The following SH3PXD2A variants were observed in gnomAD, a reference collection of about 807,000 sequenced individuals.
The protein encoded by SH3PXD2A is SH3 and PX domain-containing protein 2A.
In SH3PXD2A, 32 loss-of-function variants were observed where a neutral mutation model predicts 115.2. That is an observed-to-expected ratio of 0.28 (90% CI 0.21 to 0.37). The LOEUF (loss-of-function observed/expected upper bound fraction) is 0.37. SH3PXD2A is among the 10% of genes least tolerant of loss of function. SH3PXD2A has a pLI of 1.00. For synonymous variants in SH3PXD2A, 610 were observed against 629.1 expected, an observed-to-expected ratio of 0.97 and a Z score of 0.45; for missense variants, 1,328 against 1,498.7, an observed-to-expected ratio of 0.89 and a Z score of 1.88.
chr10:103,759,176 A>G (rs894277176), intron 3 of SH3PXD2A, among the ~76,000 whole-genome samples: 1 of 152,172 alleles, frequency 6.6e-6, no homozygotes, highest in African/African-American at 2.4e-5. Context: ...GGCCCCGGAG[A>G]ACATGCTTGC....
chr10:103,815,956 TA>T (rs2039320158), intron 1 of SH3PXD2A, among the ~76,000 whole-genome samples: 1 of 150,622 alleles, frequency 6.6e-6, no homozygotes, highest in East Asian at 1.9e-4. Context: ...TAGAGCCAAA[TA>T]TATAGAAGCA....
intron 3 of SH3PXD2A, among the ~76,000 whole-genome samples, chr10:103,751,437 ACCATTATTCTTC>A (rs1242084347): frequency 5.9e-5 from 9 of 152,214 alleles, no homozygotes; most frequent in African/African-American, 2.2e-4. Flanking sequence ...CAATATAGAT[ACCATTATTCTTC>A]CCATTTAACA....
At chr10:103,803,282 C>T (rs1214186317) in intron 1 of SH3PXD2A, among the ~76,000 whole-genome samples, 3 of 152,024 alleles carry the variant, frequency 2.0e-5, no homozygotes, top group Non-Finnish European at 2.9e-5. Context: ...AAAGGCCACC[C>T]CTATCTTCAT....
intron 5 of SH3PXD2A, among the ~76,000 whole-genome samples, chr10:103,714,829 A>G (rs1400522020): frequency 6.6e-6 from 1 of 152,216 alleles, no homozygotes; most frequent in Middle Eastern, 3.2e-3. Flanking sequence ...AGGGCTTTAC[A>G]GAGCACACAG....
intron 1 of SH3PXD2A, among the ~76,000 whole-genome samples, chr10:103,822,390 C>G (rs2039389916): frequency 6.6e-6 from 1 of 152,260 alleles, no homozygotes; most frequent in Admixed American, 6.5e-5. Flanking sequence ...TCCAAGTTCC[C>G]TGCAGAAATT....
intron 2 of SH3PXD2A, among the ~76,000 whole-genome samples, chr10:103,769,827 ATTTT>A (rs201225847): frequency 6.6e-6 from 1 of 151,728 alleles, no homozygotes; most frequent in Non-Finnish European, 1.5e-5. Flanking sequence ...TCTAAACAGG[ATTTT>A]TTTTTCTTTC....
At chr10:103,739,515 G>A (rs1430227866) in intron 3 of SH3PXD2A, among the ~76,000 whole-genome samples, 2 of 152,120 alleles carry the variant, frequency 1.3e-5, no homozygotes, top group African/African-American at 4.8e-5. Context: ...TCTCTGTTAG[G>A]AATCCAAACC....
chr10:103,804,176 T>A (rs919278928), intron 1 of SH3PXD2A, among the ~76,000 whole-genome samples: 15 of 152,120 alleles, frequency 9.9e-5, no homozygotes, highest in Admixed American at 9.2e-4. Context: ...AGGAGTATAA[T>A]GAATCATGTC....
chr10:103,750,975 C>T (rs1249576726), intron 3 of SH3PXD2A, among the ~76,000 whole-genome samples: 2 of 152,138 alleles, frequency 1.3e-5, no homozygotes, highest in South Asian at 2.1e-4. Context: ...CTGGCACTGC[C>T]GCAGAACACC....
At chr10:103,854,693 A>T (rs1842924130) in intron 1 of SH3PXD2A, among the ~76,000 whole-genome samples, 1 of 152,184 alleles carries the variant, frequency 6.6e-6, no homozygotes, top group South Asian at 2.1e-4. Flanking sequence ...AGGTTGGGCA[A>T]GGGGGCGGCG....
At chr10:103,643,834 A>G (rs534336811) in intron 8 of SH3PXD2A, among the ~76,000 whole-genome samples, 2 of 152,326 alleles carry the variant, frequency 1.3e-5, no homozygotes, top group African/African-American at 4.8e-5. Flanking sequence ...AGACCAGGCC[A>G]GGCGCGGTGG....
chr10:103,617,094 C>G (rs2036530083), intron 11 of SH3PXD2A, 103 bp downstream of exon 11: 2 of 769,822 alleles, frequency 2.6e-6, no homozygotes, highest in Non-Finnish European at 4.7e-6. Context: ...GGGCACAAAG[C>G]TGTCAGTATC....
chr10:103,732,785 G>T (rs1202077155), intron 4 of SH3PXD2A, among the ~76,000 whole-genome samples: 2 of 152,232 alleles, frequency 1.3e-5, no homozygotes, highest in African/African-American at 4.8e-5. Flanking sequence ...TGTAAGTAGA[G>T]ACTCCAGAGG....
rs2037957824 is a variant in SH3PXD2A, at chr10:103,704,439, G to A, written c.399-11383C>T. Among the ~76,000 whole-genome samples, 3 of 152,184 alleles carry A rather than the reference G, an allele frequency of 2.0e-5. No individual in the cohort carries two copies. The South Asian group carries it at 6.2e-4, about 31-fold the overall frequency. ...GTGGCTGGTGGCTGGCAGCACTGGG[G>A]GTGGCAGAGCTGGGGACTTCCAGGT... On this transcript the variant is annotated intron_variant, in intron 5 of 14. Transcript: ENST00000369774.
Position 103,602,347 on chromosome 10 carries a change from G to A in SH3PXD2A, c.2871C>T (p.Phe957=), listed in dbSNP as rs11191741. The A allele has an allele frequency of 0.34, 554,424 of 1,613,096 alleles. 99,934 individuals are homozygous for A. Among genetic ancestry groups the A allele is most frequent in the South Asian group, 0.53 (48,357 of 90,952 alleles). The stretch of plus-strand genomic sequence containing the variant: ...CCGCTGGAGTGCCTGAGGTCTTGCC[G>A]AAGCCCCCGGGAGGTTTGGAGGGGA... The part of the protein sequence containing the change: ...PPIPSKPPGG[F]GKTSGTPAVK... Residue 957 remains phenylalanine, a synonymous_variant, in exon 15 of 15, where the codon TTC becomes TTT. Coordinates refer to ENST00000369774, the MANE Select transcript of SH3PXD2A (RefSeq NM_001394015.1).
intron 1 of SH3PXD2A, among the ~76,000 whole-genome samples, chr10:103,812,823 G>A (rs2039283904): frequency 1.3e-5 from 2 of 152,284 alleles, no homozygotes; most frequent in Admixed American, 6.5e-5. Context: ...TAGAAATTTC[G>A]TTGCTTGAGA....
At chr10:103,802,892 GGGGGA>G (rs2039160997) in intron 1 of SH3PXD2A, among the ~76,000 whole-genome samples, 2 of 152,110 alleles carry the variant, frequency 1.3e-5, no homozygotes, top group Non-Finnish European at 2.9e-5. Flanking sequence ...GGTGGGGCTG[GGGGGA>G]CTCTACCCTA....
At chr10:103,750,148 C>T (rs890513805) in intron 3 of SH3PXD2A, among the ~76,000 whole-genome samples, 3 of 152,146 alleles carry the variant, frequency 2.0e-5, no homozygotes, top group African/African-American at 7.2e-5. Flanking sequence ...GACCTCCGAG[C>T]CTAAGTGATC....
intron 7 of SH3PXD2A, among the ~76,000 whole-genome samples, chr10:103,667,542 G>C (rs985798023): frequency 4.6e-5 from 7 of 152,196 alleles, no homozygotes; most frequent in Non-Finnish European, 8.8e-5. Context: ...ACTCCAGAAG[G>C]AGATTGCAAC....
Sources: allele counts gnomAD v4.1 joint callset (sites outside exome capture counted in the v4.1 genomes callset), GRCh38; gene constraint gnomAD v4.1.1; transcripts MANE v1.5; gene names NCBI Gene and HGNC (gene_info 2026-07-23, HGNC 2026-07-21).